PRKG1: variants seen among roughly 807,000 people sequenced by gnomAD.
PRKG1 encodes cGMP-dependent protein kinase 1.
Under a neutral mutation model 88.1 loss-of-function variants are expected in PRKG1, and 35 were observed. That is an observed-to-expected ratio of 0.40 (90% CI 0.30 to 0.53). PRKG1 has a LOEUF of 0.53. PRKG1 is among the 20% of genes least tolerant of loss of function. The pLI is 0.59. For synonymous variants in PRKG1, 303 were observed against 292.5 expected, an observed-to-expected ratio of 1.04 and a Z score of -0.37; for missense variants, 540 against 839.8, an observed-to-expected ratio of 0.64 and a Z score of 4.41.
chr10:51,110,631 T>C (rs190825281), intron 1 of PRKG1, among the ~76,000 whole-genome samples: 6 of 152,256 alleles, frequency 3.9e-5, no homozygotes, highest in Admixed American at 3.9e-4. Flanking sequence ...TTCATTAGTA[T>C]AAACATATGC....
At chr10:51,484,764 T>A (rs1225882348) in intron 3 of PRKG1, among the ~76,000 whole-genome samples, 1 of 152,192 alleles carries the variant, frequency 6.6e-6, no homozygotes, top group Non-Finnish European at 1.5e-5. Context: ...CAACAAAAAA[T>A]TGCTTTTTAA....
intron 7 of PRKG1, among the ~76,000 whole-genome samples, chr10:52,064,550 C>T (rs1437994540): frequency 6.6e-6 from 1 of 152,200 alleles, no homozygotes; most frequent in Non-Finnish European, 1.5e-5. Flanking sequence ...GCCGTGACTT[C>T]GGGCAGCTGT....
At chr10:52,244,835 A>C (rs1370754241) in intron 9 of PRKG1, among the ~76,000 whole-genome samples, 1 of 63,282 alleles carries the variant, frequency 1.6e-5, no homozygotes, top group South Asian at 6.6e-4. Context: ...AATATACTTT[A>C]ATATATATTT....
intron 3 of PRKG1, among the ~76,000 whole-genome samples, chr10:51,724,869 CTTTTTT>C (rs556620255): frequency 1.5e-4 from 17 of 110,780 alleles, no homozygotes; most frequent in Non-Finnish European, 2.6e-4. Context: ...AATTTTTGTA[CTTTTTT>C]TTTTTTTTTT....
At chr10:52,231,362 C>T (rs1840517254) in intron 9 of PRKG1, 1 of 151,980 alleles carries the variant, frequency 6.6e-6, no homozygotes, top group South Asian at 2.1e-4. Flanking sequence ...TATCTCACCA[C>T]TGCACTCCAG....
chr10:51,907,044 T>G (rs1341525314), intron 4 of PRKG1, among the ~76,000 whole-genome samples: 1 of 152,212 alleles, frequency 6.6e-6, no homozygotes, highest in East Asian at 1.9e-4. Context: ...AAGTTGTGAC[T>G]GAAATCCAAA....
intron 3 of PRKG1, among the ~76,000 whole-genome samples, chr10:51,723,830 T>C (rs1842069880): frequency 6.6e-6 from 1 of 152,212 alleles, no homozygotes; most frequent in Non-Finnish European, 1.5e-5. Context: ...GTTTGCAGAA[T>C]AGTTGCATCA....
At chr10:51,230,309 T>C (rs534600339) in intron 2 of PRKG1, among the ~76,000 whole-genome samples, 122 of 152,324 alleles carry the variant, frequency 8.0e-4, no homozygotes, top group Non-Finnish European at 1.5e-3. Flanking sequence ...TGGGAGATAC[T>C]CAAAGCATTG....
Position 52,256,562 on chromosome 10 carries a change from C to A in PRKG1, c.1173+4896C>A, listed in dbSNP as rs924665569. 2.2e-5 allele frequency among the ~76,000 whole-genome samples: 3 copies of A among 139,362 alleles called. 1 individual carries two copies. The highest frequency in any genetic ancestry group is 7.4e-5 in the African/African-American group (3 of 40,274). 91.4% of individuals were successfully genotyped at this position (139,362 alleles called of 152,430 possible). On this transcript the variant is annotated intron_variant, in intron 10 of 17. Coordinates refer to ENST00000373980, the MANE Select transcript of PRKG1 (RefSeq NM_006258.4). ...TGTGAAGATTAAACGAGTTAAAGCC[C>A]TCAAAATAGTGTCTCACACATCATA...
At chr10:51,016,914 C>T (rs903973440) in intron 1 of PRKG1, among the ~76,000 whole-genome samples, 2 of 151,170 alleles carry the variant, frequency 1.3e-5, no homozygotes, top group Admixed American at 6.6e-5. Context: ...TGATCTGCCC[C>T]CTTTGGGCTC....
intron 4 of PRKG1, among the ~76,000 whole-genome samples, chr10:51,816,636 T>C (rs1839594924): frequency 6.6e-6 from 1 of 151,672 alleles, no homozygotes; most frequent in Admixed American, 6.6e-5. Flanking sequence ...GGAGAGAGGA[T>C]TTTTTCTTTG....
At chr10:51,040,188 T>A (rs1274322389) in intron 1 of PRKG1, among the ~76,000 whole-genome samples, 2 of 151,692 alleles carry the variant, frequency 1.3e-5, no homozygotes, top group African/African-American at 4.8e-5. Context: ...TTTAACAATG[T>A]TGATTCTTTC....
At chr10:52,155,003 G>C (rs780361169) in intron 8 of PRKG1, among the ~76,000 whole-genome samples, 9 of 152,050 alleles carry the variant, frequency 5.9e-5, no homozygotes, top group Non-Finnish European at 1.3e-4. Flanking sequence ...GTATTCCATG[G>C]TGTATATATA....
chr10:51,376,841 A>C (rs562938818), intron 2 of PRKG1, among the ~76,000 whole-genome samples: 1 of 152,146 alleles, frequency 6.6e-6, no homozygotes, highest in African/African-American at 2.4e-5. Flanking sequence ...CGCTCAGCTA[A>C]TTTTGTATTT....
chr10:52,291,032 C>T (rs1237744783), intron 17 of PRKG1, among the ~76,000 whole-genome samples: 1 of 150,568 alleles, frequency 6.6e-6, no homozygotes, highest in Middle Eastern at 3.2e-3. Flanking sequence ...AAGCAATTCT[C>T]CTGCCTCAGT....
At chr10:51,822,554 T>TTTAAGG (rs1839777159) in intron 4 of PRKG1, among the ~76,000 whole-genome samples, 2 of 152,152 alleles carry the variant, frequency 1.3e-5, no homozygotes, top group Admixed American at 6.5e-5. Context: ...TAAATACCCC[T>TTTAAGG]CTACTTTAAG....
Position 51,498,255 on chromosome 10 carries a change from T to C in PRKG1, c.592+30419T>C, listed in dbSNP as rs148362605. On this transcript the variant is annotated intron_variant, in intron 3 of 17. Transcript: ENST00000373980. ...TTTAGCAACTTCCACTATGTCCTTG[T>C]ATGTGGAATTTGAGAAAATACGGAA... 7.6e-3 allele frequency among the ~76,000 whole-genome samples: 1,159 copies of C among 152,338 alleles called. 14 individuals are homozygous for C. Among genetic ancestry groups the C allele is most frequent in the African/African-American group, 0.026 (1,100 of 41,578 alleles).
At chr10:52,067,825 A>C (rs1196570197) in intron 7 of PRKG1, among the ~76,000 whole-genome samples, 2 of 152,120 alleles carry the variant, frequency 1.3e-5, no homozygotes, top group African/African-American at 4.8e-5. Flanking sequence ...TGAAAACTAA[A>C]GGTGTGTTTA....
chr10:51,660,186 C>T (rs1447726980), intron 3 of PRKG1, among the ~76,000 whole-genome samples: 1 of 146,766 alleles, frequency 6.8e-6, no homozygotes, highest in East Asian at 2.0e-4. Flanking sequence ...GACACAGTGA[C>T]AAATGACACA....
Sources: allele counts gnomAD v4.1 joint callset (sites outside exome capture counted in the v4.1 genomes callset), GRCh38; gene constraint gnomAD v4.1.1; transcripts MANE v1.5; gene names NCBI Gene and HGNC (gene_info 2026-07-23, HGNC 2026-07-21).